Variants in GRIK4 observed in about 807,000 individuals in gnomAD.
GRIK4 encodes the protein glutamate receptor ionotropic, kainate 4.
GRIK4 carries 40 observed loss-of-function variants against 104.9 expected under a neutral mutation model. The observed-to-expected ratio is 0.38, with a 90% CI of 0.30 to 0.50. The LOEUF is 0.50. Among genes scored for constraint, GRIK4 ranks in the 20% least tolerant of loss-of-function variants. The probability of loss-of-function intolerance (pLI) is 0.93; values close to 1 mark genes in which losing one functional copy is unlikely to be tolerated. For synonymous variants in GRIK4, 485 were observed against 524.9 expected (o/e 0.92, Z 1.04); for missense variants, 1,047 against 1,308.1 (o/e 0.80, Z 3.08).
chr11:120,878,752 C>G (rs1472143485), intron 11 of GRIK4, among the ~76,000 whole-genome samples: 2 of 152,066 alleles, frequency 1.3e-5, no homozygotes, highest in Non-Finnish European at 2.9e-5. Context: ...GTCCCCAGGT[C>G]CCATCCCAAT....
chr11:120,710,237 T>A (rs1186779757), intron 3 of GRIK4, among the ~76,000 whole-genome samples: 1 of 152,160 alleles, frequency 6.6e-6, no homozygotes, highest in Non-Finnish European at 1.5e-5. Flanking sequence ...AGTAAGGAGA[T>A]TGAACTGGAT....
At chr11:120,931,374 G>A (rs934314077) in intron 13 of GRIK4, among the ~76,000 whole-genome samples, 3 of 152,216 alleles carry the variant, frequency 2.0e-5, no homozygotes, top group Non-Finnish European at 2.9e-5. Context: ...ACCTTGGCTG[G>A]AGTGATATTG....
chr11:120,935,748 G>T (rs1477253332), intron 13 of GRIK4, among the ~76,000 whole-genome samples: 1 of 152,062 alleles, frequency 6.6e-6, no homozygotes, highest in Non-Finnish European at 1.5e-5. Context: ...TAACTAATTT[G>T]TTCTGTGCAC....
intron 1 of GRIK4, among the ~76,000 whole-genome samples, chr11:120,568,357 C>G (rs1200567732): frequency 6.6e-6 from 1 of 151,958 alleles, no homozygotes; most frequent in Non-Finnish European, 1.5e-5. Flanking sequence ...TGGAGATGTA[C>G]ACCACCTTCT....
At chr11:120,774,124 A>C (rs1327957591) in intron 3 of GRIK4, among the ~76,000 whole-genome samples, 1 of 152,224 alleles carries the variant, frequency 6.6e-6, no homozygotes, top group Non-Finnish European at 1.5e-5. Context: ...TCACAGCACC[A>C]TCTAATCATT....
In GRIK4 at chr11:120,862,058, G is replaced by A. The variant is rs1434941110; in HGVS notation, c.844G>A (p.Ala282Thr). The change falls in exon 9 of 21, where the codon GCC becomes ACC. Residue 282 changes from alanine (A) to threonine (T), a missense_variant. Physicochemically the swap from Ala to Thr is moderately conservative, Grantham distance 58. Transcript: ENST00000527524. ...NQSHAFFQEFAQSLNQSWQEN... is the reference protein window; with the variant it reads ...NQSHAFFQEFTQSLNQSWQEN... ...ATCCCATGCTTTCTTCCAAGAGTTT[G>A]CCCAGAGCCTCAACCAGTCCTGGCA... 1 of 1,614,110 alleles carries A rather than the reference G, an allele frequency of 6.2e-7. No individual in the cohort carries two copies. The highest frequency in any genetic ancestry group is 8.5e-7 in the Non-Finnish European group (1 of 1,179,982).
At chr11:120,790,614 T>C (rs1006064835) in intron 3 of GRIK4, among the ~76,000 whole-genome samples, 2 of 152,006 alleles carry the variant, frequency 1.3e-5, no homozygotes, top group African/African-American at 2.4e-5. Context: ...AGAAGGTGAG[T>C]CTGCAAAGAC....
At chr11:120,625,743 G>C (rs75877142) in intron 1 of GRIK4, among the ~76,000 whole-genome samples, 70 of 151,968 alleles carry the variant, frequency 4.6e-4, no homozygotes, top group Admixed American at 1.1e-3. Flanking sequence ...CCACGTGTTT[G>C]GGGGGAGGGT....
intron 3 of GRIK4, among the ~76,000 whole-genome samples, chr11:120,684,818 A>C (rs1302432958): frequency 1.3e-5 from 2 of 151,886 alleles, no homozygotes; most frequent in Non-Finnish European, 2.9e-5. Context: ...TCACGCCATT[A>C]TCCTGCCTCA....
chr11:120,774,787 G>T (rs1017941962), intron 3 of GRIK4, among the ~76,000 whole-genome samples: 1 of 152,208 alleles, frequency 6.6e-6, no homozygotes, highest in Non-Finnish European at 1.5e-5. Flanking sequence ...GAGGAGTGGG[G>T]ACTCTGAGCT....
intron 1 of GRIK4, among the ~76,000 whole-genome samples, chr11:120,623,379 C>T (rs956029733): frequency 1.3e-5 from 2 of 152,078 alleles, no homozygotes; most frequent in South Asian, 2.1e-4. Context: ...GTGATCCTCC[C>T]GCCTTGGACT....
intron 6 of GRIK4, among the ~76,000 whole-genome samples, chr11:120,825,377 G>A (rs1260756607): frequency 6.6e-6 from 1 of 152,196 alleles, no homozygotes; most frequent in Non-Finnish European, 1.5e-5. Flanking sequence ...CTCGCTCCCG[G>A]GATGGCTGAG....
chr11:120,923,538 G>T (rs1434542093), intron 13 of GRIK4, among the ~76,000 whole-genome samples: 2 of 148,752 alleles, frequency 1.3e-5, no homozygotes, highest in African/African-American at 5.0e-5. Flanking sequence ...TCAGCCTCCT[G>T]AGTAGCTGGG....
At chr11:120,701,203 T>C (rs1950546709) in intron 3 of GRIK4, among the ~76,000 whole-genome samples, 2 of 152,242 alleles carry the variant, frequency 1.3e-5, no homozygotes, top group Admixed American at 6.5e-5. Context: ...CTTCATTTTG[T>C]ACACTAGATC....
intron 1 of GRIK4, among the ~76,000 whole-genome samples, chr11:120,619,776 C>G (rs191719887): frequency 6.6e-6 from 1 of 152,182 alleles, no homozygotes; most frequent in Non-Finnish European, 1.5e-5. Flanking sequence ...TTTCCTGAGG[C>G]CTCCCTAGAA....
At chr11:120,640,438 T>C in intron 1 of GRIK4, among the ~76,000 whole-genome samples, 1 of 152,178 alleles carries the variant, frequency 6.6e-6, no homozygotes, top group Non-Finnish European at 1.5e-5. Context: ...GAATCTCCAA[T>C]AAATTTAAAT....
chr11:120,952,867 G>A lies in GRIK4; in HGVS notation c.1603G>A (p.Gly535Ser), dbSNP rs200065133. Reference sequence around the variant, plus strand: ...TCTCCATTTCCAGGGACGCAAACCCGGCTATTTCTCCTTCCTGGACCCATT... The same window carrying A: ...TCTCCATTTCCAGGGACGCAAACCCAGCTATTTCTCCTTCCTGGACCCATT... Reference protein sequence around the residue: ...LYRVHMGRKPGYFSFLDPFSP... With the variant: ...LYRVHMGRKPSYFSFLDPFSP... The change falls in exon 15 of 21, where the codon GGC (glycine) becomes AGC (serine). Residue 535 changes from glycine (G) to serine (S), a missense_variant. Coordinates refer to ENST00000527524, the MANE Select transcript of GRIK4 (RefSeq NM_014619.5). The surrounding 1 kb of genome is among the most constrained non-coding windows in gnomAD (Gnocchi z 5.2). The A allele has an allele frequency of 8.7e-6, 14 of 1,612,630 alleles. No individual in the cohort carries two copies. The highest frequency in any genetic ancestry group is 4.4e-5 in the South Asian group (4 of 91,046).
intron 18 of GRIK4, chr11:120,962,882 A>T: frequency 6.1e-6 from 3 of 490,368 alleles, no homozygotes; most frequent in Non-Finnish European, 1.1e-5. Context: ...ACCAGTGCTC[A>T]ATCCTTAATT....
intron 4 of GRIK4, among the ~76,000 whole-genome samples, chr11:120,815,032 C>G (rs1217926042): frequency 6.6e-6 from 1 of 152,236 alleles, no homozygotes; most frequent in Non-Finnish European, 1.5e-5. Context: ...CCCTGCAGGC[C>G]AGGCCAGGCC....
Sources: allele counts gnomAD v4.1 joint callset (sites outside exome capture counted in the v4.1 genomes callset), GRCh38; gene constraint gnomAD v4.1.1; non-coding constraint Gnocchi (gnomAD v3.1); transcripts MANE v1.5; gene names NCBI Gene and HGNC (gene_info 2026-07-23, HGNC 2026-07-21).